The following NRXN3 variants were observed in gnomAD, a reference collection of about 807,000 sequenced individuals.
NRXN3 encodes the protein neurexin III.
Under a neutral mutation model 137.6 loss-of-function variants are expected in NRXN3, and 32 were observed. The observed-to-expected ratio is 0.23, with a 90% CI of 0.18 to 0.31. The LOEUF (loss-of-function observed/expected upper bound fraction) is 0.31, where lower values mean the gene tolerates loss of function less well. Ranked by LOEUF, NRXN3 falls within the 10% of genes least tolerant of loss-of-function variation. The pLI, the probability that NRXN3 is intolerant of heterozygous loss-of-function variation, is 1.00. For missense variants in NRXN3, 1,574 were observed against 2,062.5 expected (o/e 0.76, Z 4.59); for synonymous variants, 798 against 784.5 (o/e 1.02, Z -0.29).
chr14:79,729,517 G>C (rs1288546068), intron 19 of NRXN3, among the ~76,000 whole-genome samples: 2 of 152,110 alleles, frequency 1.3e-5, no homozygotes, highest in South Asian at 4.2e-4. Flanking sequence ...TTTTATTTCT[G>C]AAAGAAAGAA....
intron 16 of NRXN3, among the ~76,000 whole-genome samples, chr14:79,512,051 C>T (rs1411075328): frequency 6.6e-6 from 1 of 152,294 alleles, no homozygotes; most frequent in Non-Finnish European, 1.5e-5. Context: ...AGGTGTGTGC[C>T]ACCATGCCCG....
At chr14:78,633,260 A>AAAAAAAAAAAAAAG (rs777062744) in intron 4 of NRXN3, among the ~76,000 whole-genome samples, 1 of 148,264 alleles carries the variant, frequency 6.7e-6, no homozygotes, top group Non-Finnish European at 1.5e-5. Context: ...TCAAAAAAAA[A>AAAAAAAAAAAAAAG]AAAAAAAAGA....
chr14:79,122,443 A>G (rs1026420286), intron 15 of NRXN3, among the ~76,000 whole-genome samples: 1 of 152,212 alleles, frequency 6.6e-6, no homozygotes, highest in Non-Finnish European at 1.5e-5. Context: ...TGATGCTTTA[A>G]TGGTCCCATA....
intron 3 of NRXN3, among the ~76,000 whole-genome samples, chr14:78,294,603 C>G (rs956915580): frequency 6.8e-6 from 1 of 147,190 alleles, no homozygotes; most frequent in African/African-American, 2.5e-5. Flanking sequence ...TGTGTAGGCA[C>G]AAATTTGTAT....
At chr14:78,808,602 A>ATCATACC (rs2098891749) in intron 9 of NRXN3, among the ~76,000 whole-genome samples, 1 of 151,974 alleles carries the variant, frequency 6.6e-6, no homozygotes, top group African/African-American at 2.4e-5. Context: ...CTGTCTGGTA[A>ATCATACC]TCATACCGGT....
chr14:79,017,389 C>G (rs2152425510), intron 15 of NRXN3, among the ~76,000 whole-genome samples: 1 of 151,682 alleles, frequency 6.6e-6, no homozygotes, highest in African/African-American at 2.4e-5. Context: ...CCTCATCTAC[C>G]CCTCCCTCAT....
intron 10 of NRXN3, among the ~76,000 whole-genome samples, chr14:78,934,454 G>C (rs1014278702): frequency 6.6e-6 from 1 of 152,122 alleles, no homozygotes; most frequent in African/African-American, 2.4e-5. Flanking sequence ...AGCATTTTCA[G>C]ATCTCCTCTA....
chr14:79,360,015 C>T (rs965985519), intron 15 of NRXN3, among the ~76,000 whole-genome samples: 3 of 152,010 alleles, frequency 2.0e-5, no homozygotes, highest in African/African-American at 7.2e-5. Context: ...TTGACATTTT[C>T]GATTATGGAA....
chr14:78,630,521 T>G (rs2097508991), intron 4 of NRXN3, among the ~76,000 whole-genome samples: 1 of 152,168 alleles, frequency 6.6e-6, no homozygotes, highest in Admixed American at 6.5e-5. Flanking sequence ...AAATATTTGT[T>G]GAATAAATGC....
chr14:78,593,488 C>A (rs1315651386), intron 4 of NRXN3, among the ~76,000 whole-genome samples: 1 of 152,202 alleles, frequency 6.6e-6, no homozygotes, highest in Non-Finnish European at 1.5e-5. Context: ...ACAGGCTAAG[C>A]ACCCTTGTGA....
At chr14:78,499,536 TTTCCACAAGCTTGGCA>T (rs2095847042) in intron 4 of NRXN3, among the ~76,000 whole-genome samples, 1 of 152,206 alleles carries the variant, frequency 6.6e-6, no homozygotes, top group Admixed American at 6.5e-5. Context: ...GTTTAACACA[TTTCCACAAGCTTGGCA>T]GCTTAAAGCA....
At chr14:78,402,695 C>T (rs368195253) in intron 4 of NRXN3, among the ~76,000 whole-genome samples, 6 of 152,120 alleles carry the variant, frequency 3.9e-5, no homozygotes, top group East Asian at 3.8e-4. Flanking sequence ...CCTGAAATCC[C>T]CTCTTAACCA....
intron 2 of NRXN3, among the ~76,000 whole-genome samples, chr14:78,277,549 G>T (rs1162281046): frequency 3.9e-5 from 6 of 152,108 alleles, no homozygotes; most frequent in Non-Finnish European, 1.5e-5. Context: ...TAACAAAAAA[G>T]AACTAAACTA....
At chr14:78,279,544 A>G (rs1323220165) in intron 3 of NRXN3, 1 of 152,120 alleles carries the variant, frequency 6.6e-6, no homozygotes, top group African/African-American at 2.4e-5. Flanking sequence ...TTAATATTTA[A>G]TTTTTATAGC....
At chr14:79,556,974 T>A (rs1362673310) in intron 16 of NRXN3, among the ~76,000 whole-genome samples, 2 of 151,984 alleles carry the variant, frequency 1.3e-5, no homozygotes, top group East Asian at 3.9e-4. Context: ...ACACATTGGT[T>A]CATGGAACTC....
chr14:79,382,593 T>C (rs917631571), intron 15 of NRXN3, among the ~76,000 whole-genome samples: 2 of 152,184 alleles, frequency 1.3e-5, no homozygotes, highest in South Asian at 2.1e-4. Context: ...ACATTAACTA[T>C]TGTTGTTATT....
chr14:79,096,758 G>C (rs1432393342), intron 15 of NRXN3, among the ~76,000 whole-genome samples: 2 of 151,984 alleles, frequency 1.3e-5, no homozygotes, highest in African/African-American at 4.8e-5. Flanking sequence ...TCCCCCAACA[G>C]ATCCCAATCA....
At chr14:79,322,816 C>T (rs2090251979) in intron 15 of NRXN3, among the ~76,000 whole-genome samples, 1 of 152,194 alleles carries the variant, frequency 6.6e-6, no homozygotes. Context: ...TTTCATTGTA[C>T]TTAGTGCTAG....
intron 8 of NRXN3, among the ~76,000 whole-genome samples, chr14:78,802,872 G>T (rs1483969917): frequency 1.3e-5 from 2 of 152,170 alleles, no homozygotes; most frequent in East Asian, 3.9e-4. Flanking sequence ...CTTGAACCAG[G>T]GAGGCAGAGG....
Sources: allele counts gnomAD v4.1 joint callset (sites outside exome capture counted in the v4.1 genomes callset), GRCh38; gene constraint gnomAD v4.1.1; transcripts MANE v1.5; gene names NCBI Gene and HGNC (gene_info 2026-07-23, HGNC 2026-07-21).